Variants in CBLC observed in about 807,000 individuals in gnomAD.
CBLC encodes the protein E3 ubiquitin-protein ligase CBL-C.
Under a neutral mutation model 58.6 loss-of-function variants are expected in CBLC, and 46 were observed. That is an observed-to-expected ratio of 0.79 (90% CI 0.62 to 1.00). The LOEUF is 1.00. Among genes scored for constraint, CBLC ranks in the 50% least tolerant of loss-of-function variants. The pLI is 0.00. For missense variants in CBLC, 655 were observed against 625.8 expected, an observed-to-expected ratio of 1.05 and a Z score of -0.50; for synonymous variants, 271 against 264.2, an observed-to-expected ratio of 1.03 and a Z score of -0.25.
intron 2 of CBLC, 60 bp from the exon 3 acceptor site, chr19:44,781,147 C>T: frequency 6.3e-7 from 1 of 1,575,084 alleles, no homozygotes; most frequent in Non-Finnish European, 8.6e-7. Context: ...TCCTGGAGAC[C>T]CTCCCATCAT....
rs200445340 is a variant in CBLC, at chr19:44,781,260, T to C, written c.554T>C (p.Val185Ala). ...FESLLGTCHP[V>A]EPGCTALALR... ...TCCCTCCTGGGCACCTGCCACCCTG[T>C]GGAACCAGGCTGCACAGCCCTGGCC... Residue 185 changes from valine (V) to alanine (A), a missense_variant, in exon 3 of 11, where the codon GTG becomes GCG. Physicochemically the swap from Val to Ala is moderately conservative, Grantham distance 64 (BLOSUM62 0). Around this residue, in one of 3 missense-constraint regions of CBLC, gnomAD observed 371 missense variants for 370.8 expected, o/e 1.00. Transcript: ENST00000647358. The C allele has an allele frequency of 1.1e-5, 18 of 1,613,820 alleles. No individual in the cohort carries two copies. The highest frequency in any genetic ancestry group is 1.6e-4 in the Middle Eastern group (1 of 6,062).
chr19:44,790,836 G>A (rs536510623), intron 6 of CBLC, among the ~76,000 whole-genome samples: 4 of 152,086 alleles, frequency 2.6e-5, no homozygotes, highest in Non-Finnish European at 5.9e-5. Flanking sequence ...TTTGGAGGCC[G>A]GGTGCCACCG....
At position 44,781,306 on chromosome 19, in the gene CBLC, C is replaced by G. The variant is rs35025520; in HGVS notation, c.600C>G (p.Leu200=). Residue 200 remains leucine (L), a synonymous_variant, in exon 3 of 11, where the codon CTC becomes CTG. Coordinates refer to ENST00000647358, the MANE Select transcript of CBLC (RefSeq NM_012116.4). Reference sequence around the variant, plus strand: ...TGGCCTTGCGCACCACCATTGACCTCACCTGCAGCGGGCACGTGTCCATCT... The same window carrying G: ...TGGCCTTGCGCACCACCATTGACCTGACCTGCAGCGGGCACGTGTCCATCT... The part of the protein sequence containing the change: ...TALALRTTID[L]TCSGHVSIFE... 1.9e-6 allele frequency: 3 copies of G among 1,613,456 alleles called. No homozygotes were observed. The highest frequency in any genetic ancestry group is 2.5e-6 in the Non-Finnish European group (3 of 1,180,012).
At chr19:44,780,225 C>T (rs1334395887) in intron 1 of CBLC, among the ~76,000 whole-genome samples, 1 of 151,764 alleles carries the variant, frequency 6.6e-6, no homozygotes, top group Non-Finnish European at 1.5e-5. Flanking sequence ...GCCTCTGCCT[C>T]CCATGTTCAA....
intron 9 of CBLC, among the ~76,000 whole-genome samples, chr19:44,796,710 C>T (rs569682144): frequency 6.6e-6 from 1 of 152,226 alleles, no homozygotes; most frequent in East Asian, 1.9e-4. Context: ...AAGCCCTGTC[C>T]TGGCTTTCTT....
intron 9 of CBLC, among the ~76,000 whole-genome samples, chr19:44,797,503 G>A (rs999782738): frequency 5.9e-5 from 9 of 151,464 alleles, no homozygotes; most frequent in Admixed American, 1.3e-4. Flanking sequence ...TGCCTGCCTC[G>A]GCCTTCTTAA....
chr19:44,792,660 C>T (rs562100461), intron 7 of CBLC, 146 bp downstream of exon 7: 3 of 745,066 alleles, frequency 4.0e-6, no homozygotes, highest in Non-Finnish European at 6.1e-6. Flanking sequence ...CTCAGGAGCC[C>T]GGCTGTCTTT....
chr19:44,799,678 GAAAGAAAAGT>G (rs1366009674), intron 9 of CBLC, among the ~76,000 whole-genome samples: 1 of 139,444 alleles, frequency 7.2e-6, no homozygotes, highest in Non-Finnish European at 1.5e-5. Context: ...TTTTAAAAAA[GAAAGAAAAGT>G]AAAGAAAGAG....
intron 7 of CBLC, 81 bp downstream of exon 7, chr19:44,792,595 A>G (rs1291253481): frequency 2.9e-6 from 4 of 1,367,382 alleles, no homozygotes; most frequent in Non-Finnish European, 1.9e-6. Context: ...TCCATGCCTC[A>G]TTGATCATAT....
rs1284066266 is a variant in CBLC at position 44,790,024 on chromosome 19, A to G, written c.938A>G (p.Lys313Arg). ...KDGFYLYPDG[K>R]THNPDLTELG... is the part of the protein sequence containing the mutation. ...CCCAGCTACCTCTACCCAGATGGAA[A>G]GACCCACAACCCAGACCTGACTGAG... Residue 313 changes from lysine (K) to arginine (R), a missense_variant, in exon 6 of 11, where the codon AAG becomes AGG. By Grantham distance (26) the Lys-to-Arg change is conservative. This residue lies in a region of CBLC where 371 missense variants were observed against 370.8 expected (regional missense o/e 1.00). Transcript: ENST00000647358. 1 of 1,613,760 alleles carries G rather than the reference A, an allele frequency of 6.2e-7. No individual in the cohort carries two copies. Among genetic ancestry groups the G allele is most frequent in the African/African-American group, 1.3e-5 (1 of 74,848 alleles).
At chr19:44,782,945 A>T (rs1967789029) in intron 4 of CBLC, among the ~76,000 whole-genome samples, 1 of 152,186 alleles carries the variant, frequency 6.6e-6, no homozygotes, top group African/African-American at 2.4e-5. Flanking sequence ...TACCAAGAGA[A>T]GAGAAGGTCA....
At chr19:44,782,791 C>A (rs1967785455) in intron 4 of CBLC, among the ~76,000 whole-genome samples, 1 of 152,156 alleles carries the variant, frequency 6.6e-6, no homozygotes. Flanking sequence ...CATGTTGTAC[C>A]ATCTGTTCAG....
chr19:44,784,185 C>A, intron 4 of CBLC, 79 bp from the exon 5 acceptor site: 1 of 1,349,306 alleles, frequency 7.4e-7, no homozygotes, highest in Non-Finnish European at 1.0e-6. Flanking sequence ...GGATTCCCAA[C>A]AGGCCAGGGG....
intron 5 of CBLC, among the ~76,000 whole-genome samples, chr19:44,788,217 A>G (rs976660953): frequency 5.3e-5 from 8 of 151,970 alleles, no homozygotes; most frequent in Non-Finnish European, 5.9e-5. Context: ...TCCCAGGCTC[A>G]GGGGATTCTC....
intron 9 of CBLC, among the ~76,000 whole-genome samples, chr19:44,799,886 G>A (rs1968257692): frequency 6.6e-6 from 1 of 152,092 alleles, no homozygotes; most frequent in African/African-American, 2.4e-5. Context: ...AAAAGGAAAA[G>A]AGAATAAAAG....
intron 9 of CBLC, 133 bp from the exon 10 acceptor site, chr19:44,800,248 G>T: frequency 1.6e-6 from 1 of 642,162 alleles, no homozygotes; most frequent in Non-Finnish European, 2.8e-6. Context: ...GGCCTCAGCC[G>T]CGCAGGAAGC....
chr19:44,782,418 C>T lies in CBLC; in HGVS notation c.706C>T (p.Pro236Ser). The part of the protein sequence containing the change: ...KNWQLLAVNH[P>S]GYMAFLTYDE... ...CTGGCAGCTCCTGGCAGTCAACCAC[C>T]CAGGCTACATGGCCTTCCTCACCTA... is the stretch of plus-strand genomic sequence containing the variant. The change falls in exon 4 of 11, where the codon CCA becomes TCA. Residue 236 changes from proline to serine, a missense_variant. This residue lies in a region of CBLC where 371 missense variants were observed against 370.8 expected (regional missense o/e 1.00). Transcript: ENST00000647358. 1.2e-6 allele frequency: 2 copies of T among 1,613,836 alleles called. No individual in the cohort carries two copies. Among genetic ancestry groups the T allele is most frequent in the South Asian group, 2.2e-5 (2 of 91,076 alleles).
In CBLC at chr19:44,790,066, C is replaced by A; in HGVS notation, c.980C>A (p.Pro327His). Reference sequence around the variant, plus strand: ...CTGACTGAGCTCGGCCAGGCAGAACCCCAGCAGCGCATCCACGTGTCAGAG... The same window carrying A: ...CTGACTGAGCTCGGCCAGGCAGAACACCAGCAGCGCATCCACGTGTCAGAG... ...PDLTELGQAE[P>H]QQRIHVSEEQ... Residue 327 changes from proline to histidine, a missense_variant, in exon 6 of 11, where the codon CCC (proline) becomes CAC (histidine). Around this residue, in one of 3 missense-constraint regions of CBLC, gnomAD observed 371 missense variants for 370.8 expected, o/e 1.00. Coordinates refer to ENST00000647358, the MANE Select transcript of CBLC (RefSeq NM_012116.4). 1 of 1,613,992 alleles carries A rather than the reference C, an allele frequency of 6.2e-7. No homozygotes were observed. Among genetic ancestry groups the A allele is most frequent in the Non-Finnish European group, 8.5e-7 (1 of 1,179,934 alleles).
chr19:44,781,944 C>T (rs1179611590), intron 3 of CBLC, among the ~76,000 whole-genome samples: 4 of 116,632 alleles, frequency 3.4e-5, no homozygotes, highest in African/African-American at 1.0e-4. Context: ...GGGGCCTGGA[C>T]TCCTGGGTCT....
Sources: gnomAD v4.1 joint callset for allele counts (sites outside exome capture counted in the v4.1 genomes callset) on GRCh38, gnomAD v4.1.1 for gene constraint, gnomAD v4.1.1 regional missense constraint, MANE v1.5 for transcripts, NCBI Gene and HGNC (gene_info 2026-07-23, HGNC 2026-07-21) for gene names.